Variants in CDKAL1 observed in about 807,000 individuals in gnomAD.
CDKAL1 encodes the protein threonylcarbamoyladenosine tRNA methylthiotransferase.
In CDKAL1, 32 loss-of-function variants were observed where a neutral mutation model predicts 68.2. The observed-to-expected ratio is 0.47, with a 90% confidence interval of 0.35 to 0.63. The LOEUF (loss-of-function observed/expected upper bound fraction) is 0.63, where lower values mean the gene tolerates loss of function less well. Among genes scored for constraint, CDKAL1 ranks in the 30% least tolerant of loss-of-function variants. The pLI is 0.00. For missense variants in CDKAL1, 606 were observed against 696.7 expected, an observed-to-expected ratio of 0.87 and a Z score of 1.47; for synonymous variants, 234 against 244.3, an observed-to-expected ratio of 0.96 and a Z score of 0.39.
At chr6:20,874,467 C>T (rs1391424942) in intron 9 of CDKAL1, among the ~76,000 whole-genome samples, 1 of 151,680 alleles carries the variant, frequency 6.6e-6, no homozygotes, top group Non-Finnish European at 1.5e-5. Context: ...CCACGCCTGG[C>T]TAATTTTTTT....
chr6:21,123,260 G>T (rs111606510), intron 13 of CDKAL1, among the ~76,000 whole-genome samples: 1,627 of 152,110 alleles, frequency 0.011, 27 homozygotes, highest in African/African-American at 0.036. Context: ...TTGGAGACCC[G>T]CCTGGCCAAC....
rs551654079 is a variant in CDKAL1 at position 21,128,127 on chromosome 6, A to G, written c.1299+19664A>G. On this transcript the variant is annotated intron_variant, in intron 13 of 15. Coordinates refer to ENST00000274695, the MANE Select transcript of CDKAL1 (RefSeq NM_017774.3). ...GATTGTGGGAAAGCAATACATGTTC[A>G]GTGGAAACTGTACTTGGAGTTTTAA... Among the ~76,000 whole-genome samples the G allele has an allele frequency of 5.3e-5, 8 of 152,320 alleles. No homozygotes were observed. The East Asian group carries it at 1.5e-3, about 29-fold the overall frequency.
intron 4 of CDKAL1, among the ~76,000 whole-genome samples, chr6:20,632,628 G>A (rs1298646763): frequency 1.3e-5 from 2 of 152,060 alleles, no homozygotes; most frequent in Non-Finnish European, 2.9e-5. Flanking sequence ...CTCCTACCTC[G>A]GTCATGATGC....
rs536315954 is a variant in CDKAL1, at chr6:21,139,665, C to T, written c.1299+31202C>T. 5.9e-5 allele frequency among the ~76,000 whole-genome samples: 9 copies of T among 152,058 alleles called. No homozygotes were observed. In the South Asian group the frequency reaches 1.0e-3, roughly 18 times the overall value. On this transcript the variant is annotated intron_variant, in intron 13 of 15. Coordinates refer to ENST00000274695, the MANE Select transcript of CDKAL1 (RefSeq NM_017774.3). ...AGCTAGGACTACAGGCACGCACCAC[C>T]GTGTAACTAATTTTTAATTTTTTGT...
chr6:20,555,244 A>G (rs1486182850), intron 4 of CDKAL1, among the ~76,000 whole-genome samples: 1 of 152,224 alleles, frequency 6.6e-6, no homozygotes, highest in African/African-American at 2.4e-5. Flanking sequence ...TGTTTTAGGA[A>G]ATACTTAAGC....
At chr6:21,069,804 T>TTAAAAAA (rs60342057) in intron 12 of CDKAL1, among the ~76,000 whole-genome samples, 1 of 85,516 alleles carries the variant, frequency 1.2e-5, no homozygotes, top group East Asian at 4.1e-4. Context: ...TTTTTTTTTT[T>TTAAAAAA]AAAACAGAGC....
At chr6:21,069,770 CTTTCTTTTTT>C (rs1221962727) in intron 12 of CDKAL1, among the ~76,000 whole-genome samples, 1,716 of 42,268 alleles carry the variant, frequency 0.041, 78 homozygotes, top group African/African-American at 0.092. Flanking sequence ...CCCAGATTTT[CTTTCTTTTTT>C]TTTTTTTTTT....
At chr6:21,153,410 A>T (rs6901380) in intron 13 of CDKAL1, among the ~76,000 whole-genome samples, 51,309 of 151,884 alleles carry the variant, frequency 0.34, 9,008 homozygotes, top group African/African-American at 0.43. Context: ...CATATGTGAC[A>T]TTCATTCAAT....
At chr6:20,878,953 C>T (rs1485164481) in intron 9 of CDKAL1, among the ~76,000 whole-genome samples, 1 of 151,022 alleles carries the variant, frequency 6.6e-6, no homozygotes, top group East Asian at 2.0e-4. Flanking sequence ...GTGGCGGGCG[C>T]CTGTAATCCC....
chr6:21,095,037 CAG>C (rs957733650), intron 12 of CDKAL1, among the ~76,000 whole-genome samples: 7 of 152,004 alleles, frequency 4.6e-5, no homozygotes, highest in Non-Finnish European at 8.8e-5. Context: ...ATGAAAAAAA[CAG>C]AAAGCATACA....
chr6:21,003,011 C>T (rs1767512130), intron 11 of CDKAL1, among the ~76,000 whole-genome samples: 1 of 150,996 alleles, frequency 6.6e-6, no homozygotes, highest in Non-Finnish European at 1.5e-5. Flanking sequence ...GTGATCCTTG[C>T]ATAGTTTTAG....
chr6:20,767,083 C>T (rs1456505369), intron 7 of CDKAL1, among the ~76,000 whole-genome samples: 1 of 152,100 alleles, frequency 6.6e-6, no homozygotes, highest in Non-Finnish European at 1.5e-5. Context: ...GCAGTTGCTA[C>T]ACTGCTTTTA....
chr6:21,079,413 T>C (rs1023750651), intron 12 of CDKAL1, among the ~76,000 whole-genome samples: 7 of 152,176 alleles, frequency 4.6e-5, no homozygotes, highest in African/African-American at 1.7e-4. Context: ...CTGCAAGAGA[T>C]AGAGTTGGAA....
intron 2 of CDKAL1, among the ~76,000 whole-genome samples, chr6:20,542,999 A>G (rs1420080224): frequency 6.6e-6 from 1 of 152,232 alleles, no homozygotes; most frequent in Non-Finnish European, 1.5e-5. Flanking sequence ...TGTCATTAGT[A>G]CATTTCTTTT....
At chr6:21,069,938 C>T (rs973528889) in intron 12 of CDKAL1, among the ~76,000 whole-genome samples, 6 of 151,512 alleles carry the variant, frequency 4.0e-5, no homozygotes, top group East Asian at 1.9e-4. Flanking sequence ...TACAGGCGCC[C>T]GCCACCACGC....
In CDKAL1 at chr6:20,741,805, T is replaced by C. The variant is rs74850264; in HGVS notation, c.468+2190T>C. Among the ~76,000 whole-genome samples the C allele has an allele frequency of 3.5e-3, 536 of 152,278 alleles. 1 individual carries two copies. Among genetic ancestry groups the C allele is most frequent in the African/African-American group, 0.012 (495 of 41,552 alleles). On this transcript the variant is annotated intron_variant, in intron 6 of 15. Coordinates refer to ENST00000274695, the MANE Select transcript of CDKAL1 (RefSeq NM_017774.3). ...TGTGTTTTTGTGGTAGAATGATTTA[T>C]ATTTCTCTGGGTATATACCCAGTAA... is the stretch of plus-strand genomic sequence containing the variant.
chr6:21,183,401 G>A (rs773899252), intron 13 of CDKAL1, among the ~76,000 whole-genome samples: 3 of 152,102 alleles, frequency 2.0e-5, no homozygotes, highest in Non-Finnish European at 4.4e-5. Flanking sequence ...TAATTCCTCC[G>A]GCACCTTTTT....
chr6:20,893,152 T>G (rs769168701), intron 9 of CDKAL1, among the ~76,000 whole-genome samples: 3 of 152,198 alleles, frequency 2.0e-5, no homozygotes, highest in Non-Finnish European at 4.4e-5. Context: ...TAGCTGGTAT[T>G]TTTGACTTGG....
intron 5 of CDKAL1, among the ~76,000 whole-genome samples, chr6:20,665,164 G>A (rs1769472292): frequency 6.6e-6 from 1 of 151,922 alleles, no homozygotes; most frequent in Admixed American, 6.6e-5. Flanking sequence ...CATAGACCTG[G>A]GGCAGTGTCT....
Sources: allele counts gnomAD v4.1 joint callset (sites outside exome capture counted in the v4.1 genomes callset), GRCh38; gene constraint gnomAD v4.1.1; transcripts MANE v1.5; gene names NCBI Gene and HGNC (gene_info 2026-07-23, HGNC 2026-07-21).